Variants in ZNF333 observed in about 807,000 individuals in gnomAD.
ZNF333 encodes the protein zinc finger protein 333.
Under a neutral mutation model 76.1 loss-of-function variants are expected in ZNF333, and 61 were observed. The observed-to-expected ratio is 0.80, with a 90% confidence interval of 0.65 to 0.99. ZNF333 has a LOEUF of 0.99. Among genes scored for constraint, ZNF333 ranks in the 50% least tolerant of loss-of-function variants. ZNF333 has a pLI of 0.00. For synonymous variants in ZNF333, 284 were observed against 305.0 expected (o/e 0.93, Z 0.72); for missense variants, 717 against 822.4 (o/e 0.87, Z 1.57).
chr19:14,718,280 C>A lies in ZNF333; in HGVS notation c.953C>A (p.Pro318His). 1 of 1,614,046 alleles carries A rather than the reference C, an allele frequency of 6.2e-7. No individual in the cohort carries two copies. Among genetic ancestry groups the A allele is most frequent in the Non-Finnish European group, 8.5e-7 (1 of 1,180,010 alleles). Residue 318 changes from proline (P) to histidine (H), a missense_variant, in exon 12 of 12, where the codon CCT becomes CAT. By Grantham distance (77) the Pro-to-His change is moderately conservative. Transcript: ENST00000292530. ...TATAAATATAATGAACTTGAGAAAC[C>A]TTTTAACAGCATTGAACCACTTTTC... Reference protein sequence around the residue: ...KLYKYNELEKPFNSIEPLFQY... With the variant: ...KLYKYNELEKHFNSIEPLFQY...
Position 14,716,213 on chromosome 19 carries a change from G to A in ZNF333, c.702G>A (p.Glu234=). The part of the protein sequence containing the change: ...QRSLYRDVML[E]NYRNLASVAD... ...GCCTGTATAGAGATGTGATGCTGGA[G>A]AACTACAGGAACCTGGCCTCTGTGG... The change falls in exon 9 of 12, where the codon GAG becomes GAA. Residue 234 remains glutamate (E), a synonymous_variant. Transcript: ENST00000292530. The A allele has an allele frequency of 6.2e-7, 1 of 1,613,862 alleles. No homozygotes were observed. The highest frequency in any genetic ancestry group is 8.5e-7 in the Non-Finnish European group (1 of 1,179,936).
At chr19:14,697,061 G>C (rs1204221646) in intron 4 of ZNF333, among the ~76,000 whole-genome samples, 1 of 152,004 alleles carries the variant, frequency 6.6e-6, no homozygotes, top group East Asian at 1.9e-4. Flanking sequence ...TAAAGTTCCA[G>C]CTCTCAATAC....
Position 14,719,321 on chromosome 19 carries a change from A to C in ZNF333, c.1994A>C (p.Asn665Thr). Residue 665 changes from asparagine to threonine, a missense_variant, in exon 12 of 12, where the codon AAT becomes ACT. Transcript: ENST00000292530. ...CATCCATACTGTGGGCCCCTTGCTAATTAACTTCCATTTTGTAAAAATATA... is the reference window on the plus strand; with the variant it reads ...CATCCATACTGTGGGCCCCTTGCTACTTAACTTCCATTTTGTAAAAATATA... ...MSHPYCGPLA[N>T] is the part of the protein sequence containing the mutation. 1.9e-6 allele frequency: 3 copies of C among 1,594,290 alleles called. No individual in the cohort carries two copies. The highest frequency in any genetic ancestry group is 2.6e-6 in the Non-Finnish European group (3 of 1,170,794).
At chr19:14,712,535 C>T (rs567050667) in intron 7 of ZNF333, among the ~76,000 whole-genome samples, 1 of 152,034 alleles carries the variant, frequency 6.6e-6, no homozygotes, top group Admixed American at 6.6e-5. Flanking sequence ...TTTTTTGTAA[C>T]AGAAATTTCT....
intron 7 of ZNF333, among the ~76,000 whole-genome samples, chr19:14,711,027 G>T (rs1343935676): frequency 6.6e-6 from 1 of 152,042 alleles, no homozygotes; most frequent in Non-Finnish European, 1.5e-5. Flanking sequence ...TTAACAACCA[G>T]CTTCCTTGGA....
At chr19:14,696,306 G>T (rs528131669) in intron 4 of ZNF333, among the ~76,000 whole-genome samples, 1 of 152,116 alleles carries the variant, frequency 6.6e-6, no homozygotes, top group South Asian at 2.1e-4. Context: ...TTTTCATCAC[G>T]CCAAGTAGAA....
At chr19:14,700,450 C>T (rs1488400978) in intron 5 of ZNF333, 1 of 152,244 alleles carries the variant, frequency 6.6e-6, no homozygotes, top group Non-Finnish European at 1.5e-5. Flanking sequence ...AGACAGAGGC[C>T]ACTTTGATTG....
At chr19:14,699,801 C>T (rs989642127) in intron 5 of ZNF333, among the ~76,000 whole-genome samples, 1 of 152,062 alleles carries the variant, frequency 6.6e-6, no homozygotes, top group Admixed American at 6.6e-5. Flanking sequence ...CGACTTCCTC[C>T]TCAGCAACTG....
intron 11 of ZNF333, among the ~76,000 whole-genome samples, chr19:14,728,196 G>C (rs1364820830): frequency 1.3e-5 from 2 of 152,224 alleles, no homozygotes; most frequent in African/African-American, 2.4e-5. Flanking sequence ...CTGGGCGACA[G>C]AGCGAGACTC....
chr19:14,693,644 G>T, intron 2 of ZNF333, 150 bp downstream of exon 2: 16 of 874,130 alleles, frequency 1.8e-5, no homozygotes, highest in Non-Finnish European at 2.7e-5. Flanking sequence ...CTGCCCTAGG[G>T]GACCTAGGGA....
chr19:14,722,523 T>C (rs543747633), downstream of ZNF333, among the ~76,000 whole-genome samples: 9 of 152,362 alleles, frequency 5.9e-5, no homozygotes, highest in Admixed American at 4.6e-4. Context: ...TTATCAGATA[T>C]ATGATTTGCA....
At chr19:14,729,210 C>T (rs2042652661) in intron 11 of ZNF333, among the ~76,000 whole-genome samples, 1 of 152,200 alleles carries the variant, frequency 6.6e-6, no homozygotes, top group Non-Finnish European at 1.5e-5. Flanking sequence ...TTGCATCCTA[C>T]AGTCAGGGTT....
intron 10 of ZNF333, 105 bp from the exon 11 acceptor site, chr19:14,717,552 T>C (rs2042469600): frequency 2.1e-6 from 2 of 941,776 alleles, no homozygotes; most frequent in Non-Finnish European, 3.4e-6. Context: ...AGGACCAGTA[T>C]TTGGGAAAAA....
chr19:14,695,766 C>T (rs764727098), intron 4 of ZNF333, 105 bp downstream of exon 4: 7 of 924,660 alleles, frequency 7.6e-6, no homozygotes, highest in South Asian at 4.2e-5. Flanking sequence ...GAGGGGACAT[C>T]GAAGGCCATT....
rs766176678 is a variant in ZNF333 at position 14,699,255 on chromosome 19, G to A, written c.280G>A (p.Glu94Lys). The A allele has an allele frequency of 2.5e-6, 4 of 1,613,892 alleles. No individual in the cohort carries two copies. The highest frequency in any genetic ancestry group is 3.4e-6 in the Non-Finnish European group (4 of 1,179,872). The change falls in exon 5 of 12, where the codon GAA (glutamate) becomes AAA (lysine). Residue 94 changes from glutamate to lysine, a missense_variant. Transcript: ENST00000292530. ...ELPSMQDLLEEASSRDMQMGP... is the reference protein window; with the variant it reads ...ELPSMQDLLEKASSRDMQMGP... ...GCCTTCTATGCAGGATCTTTTGGAAGAAGCATCCTCCAGGGACATGCAAAT... is the reference window on the plus strand; with the variant it reads ...GCCTTCTATGCAGGATCTTTTGGAAAAAGCATCCTCCAGGGACATGCAAAT...
chr19:14,698,893 A>AATAT (rs1555771012), intron 4 of ZNF333, among the ~76,000 whole-genome samples: 40 of 113,096 alleles, frequency 3.5e-4, no homozygotes, highest in African/African-American at 8.2e-4. Flanking sequence ...CACACACACA[A>AATAT]ATATAGATAT....
At chr19:14,717,610 GTTTC>G in intron 10 of ZNF333, 43 bp from the exon 11 acceptor site, 1 of 1,566,846 alleles carries the variant, frequency 6.4e-7, no homozygotes, top group East Asian at 2.2e-5. Flanking sequence ...TGATCCCACA[GTTTC>G]TTTCTCTGTG....
intron 6 of ZNF333, among the ~76,000 whole-genome samples, chr19:14,705,459 CA>C (rs2042081822): frequency 6.6e-6 from 1 of 152,168 alleles, no homozygotes; most frequent in Admixed American, 6.5e-5. Context: ...ACCCCAGCCC[CA>C]CTGCTTCCAT....
At position 14,719,564 on chromosome 19, in the gene ZNF333, C is replaced by A; in HGVS notation, c.*239C>A. On this transcript the variant is annotated 3_prime_UTR_variant, in exon 12 of 12. Transcript: ENST00000292530. ...ATGACTTATAGTGAAATGCATACAT[C>A]TGAAGTGTACAGTTGGATGAGTTTG... 1.8e-6 allele frequency: 2 copies of A among 1,091,184 alleles called. No individual in the cohort carries two copies. Among genetic ancestry groups the A allele is most frequent in the Non-Finnish European group, 2.4e-6 (2 of 829,174 alleles). The allele number at this position is 1,091,184 out of a possible 1,614,324, so 67.6% of individuals were successfully genotyped here. A position where few individuals can be genotyped will look rare whatever the true frequency, so the allele number is the denominator to read the frequency against.
Sources: gnomAD v4.1 joint callset for allele counts (sites outside exome capture counted in the v4.1 genomes callset) on GRCh38, gnomAD v4.1.1 for gene constraint, MANE v1.5 for transcripts, NCBI Gene and HGNC (gene_info 2026-07-23, HGNC 2026-07-21) for gene names.